Variants in AGPAT3 observed in about 807,000 individuals in gnomAD.
AGPAT3 encodes 1-acylglycerol-3-phosphate O-acyltransferase 3.
AGPAT3 carries 5 observed loss-of-function variants against 47.3 expected under a neutral mutation model. The ratio of observed to expected loss-of-function variants is 0.11; its 90% CI spans 0.06 to 0.22. The LOEUF (loss-of-function observed/expected upper bound fraction) is 0.22, where lower values mean the gene tolerates loss of function less well. Ranked by LOEUF, AGPAT3 falls within the 10% of genes least tolerant of loss-of-function variation. The probability of loss-of-function intolerance (pLI) is 1.00; values close to 1 mark genes in which losing one functional copy is unlikely to be tolerated. For synonymous variants in AGPAT3, 212 were observed against 208.3 expected (o/e 1.02, Z -0.15); for missense variants, 315 against 493.0 (o/e 0.64, Z 3.42).
intron 2 of AGPAT3, among the ~76,000 whole-genome samples, chr21:43,947,409 C>T (rs1158683928): frequency 6.6e-6 from 1 of 152,240 alleles, no homozygotes; most frequent in African/African-American, 2.4e-5. Flanking sequence ...CCGACCAGGG[C>T]TGCCCAAGCG....
rs111483639 is a variant in AGPAT3 at position 43,880,264 on chromosome 21, G to A, written c.-112+14919G>A. 6.4e-4 allele frequency among the ~76,000 whole-genome samples: 97 copies of A among 152,334 alleles called. 1 individual carries two copies. The highest frequency in any genetic ancestry group is 1.4e-3 in the Admixed American group (22 of 15,306). On this transcript the variant is annotated intron_variant, in intron 1 of 9. Transcript: ENST00000291572. The surrounding 1 kb of genome is among the most constrained non-coding windows in gnomAD (Gnocchi z 4.5). ...TCATGGCTCAGCACAGCTGAGGGCA[G>A]CAACTGTTGTCCCCTAGAGCCCGAG...
In AGPAT3 at chr21:43,955,838, T is replaced by A. The variant is rs991695876; in HGVS notation, c.-48-3796T>A. ...TGAGAATTGCTTGAACCCAGGAAGCTGCAGTGAGCCAAGATGGCACCACAG... is the reference window on the plus strand; with the variant it reads ...TGAGAATTGCTTGAACCCAGGAAGCAGCAGTGAGCCAAGATGGCACCACAG... On this transcript the variant is annotated intron_variant, in intron 2 of 9. Coordinates refer to ENST00000291572, the MANE Select transcript of AGPAT3 (RefSeq NM_020132.5). The surrounding 1 kb of genome is among the most constrained non-coding windows in gnomAD (Gnocchi z 4.1). Among the ~76,000 whole-genome samples the A allele has an allele frequency of 8.0e-5, 12 of 149,748 alleles. No individual in the cohort carries two copies. Among genetic ancestry groups the A allele is most frequent in the Admixed American group, 1.3e-4 (2 of 14,960 alleles).
At position 43,941,333 on chromosome 21, in the gene AGPAT3, C is replaced by G. The variant is rs907060002; in HGVS notation, c.-48-18301C>G. 2.0e-5 allele frequency among the ~76,000 whole-genome samples: 3 copies of G among 152,310 alleles called. No individual in the cohort carries two copies. In the East Asian group the frequency reaches 5.8e-4, roughly 29 times the overall value. ...TTGCTAACAGCGGGGAGGGTCACTG[C>G]AGGTGACACAGGCAGGAGGATGCCC... is the stretch of plus-strand genomic sequence containing the variant. On this transcript the variant is annotated intron_variant, in intron 2 of 9. Transcript: ENST00000291572.
Position 43,954,409 on chromosome 21 carries a change from G to A in AGPAT3, c.-48-5225G>A, listed in dbSNP as rs968511563. ...GGCAATGACCCAGGGAAACCGTGTT[G>A]AGCGCTCTGGTGGGGGCAGGCGGGC... On this transcript the variant is annotated intron_variant, in intron 2 of 9. Transcript: ENST00000291572. This position sits in a 1 kb window ranked among gnomAD's most constrained non-coding sequence, Gnocchi z 4.0. 1 of 152,370 alleles carries A rather than the reference G, an allele frequency of 6.6e-6. No individual in the cohort carries two copies. Among genetic ancestry groups the A allele is most frequent in the Non-Finnish European group, 1.5e-5 (1 of 68,122 alleles). 9.4% of individuals were successfully genotyped at this position (152,370 alleles called of 1,614,324 possible). A position where few individuals can be genotyped will look rare whatever the true frequency, so the allele number is the denominator to read the frequency against.
chr21:43,977,129 G>C lies in AGPAT3; in HGVS notation c.768-917G>C, dbSNP rs151128217. On this transcript the variant is annotated intron_variant, in intron 7 of 9. Coordinates refer to ENST00000291572, the MANE Select transcript of AGPAT3 (RefSeq NM_020132.5). ...TACCCTGCTTATCTTACCAAGTAGA[G>C]GTGTCAACTTGTGGGCTGCTAATCC... Among the ~76,000 whole-genome samples the C allele has an allele frequency of 5.4e-3, 828 of 152,240 alleles. 4 individuals carry two copies. The highest frequency in any genetic ancestry group is 0.019 in the African/African-American group (786 of 41,534).
rs969659108 is a variant in AGPAT3 at position 43,921,673 on chromosome 21, G to T, written c.-49+17654G>T. ...ACCAGGTGATGAGCAGCCCTGGAGC[G>T]CTTGTTAGTTTTGTGGTGCCTTTGA... On this transcript the variant is annotated intron_variant, in intron 2 of 9. Transcript: ENST00000291572. Among the ~76,000 whole-genome samples the T allele has an allele frequency of 3.9e-5, 6 of 152,330 alleles. No homozygotes were observed. In the East Asian group the frequency reaches 1.2e-3, roughly 29 times the overall value.
At position 43,922,007 on chromosome 21, in the gene AGPAT3, C is replaced by T. The variant is rs932663760; in HGVS notation, c.-49+17988C>T. Among the ~76,000 whole-genome samples the T allele has an allele frequency of 2.0e-5, 3 of 152,228 alleles. No homozygotes were observed. Among genetic ancestry groups the T allele is most frequent in the East Asian group, 3.9e-4 (2 of 5,182 alleles). ...TTCTTTTCCTGATTTCTCTGTCTCTCGATGCCATTTTTGTGAAGGTTTAGC... is the reference window on the plus strand; with the variant it reads ...TTCTTTTCCTGATTTCTCTGTCTCTTGATGCCATTTTTGTGAAGGTTTAGC... On this transcript the variant is annotated intron_variant, in intron 2 of 9. Coordinates refer to ENST00000291572, the MANE Select transcript of AGPAT3 (RefSeq NM_020132.5). The surrounding 1 kb of genome is among the most constrained non-coding windows in gnomAD (Gnocchi z 4.9).
intron 2 of AGPAT3, among the ~76,000 whole-genome samples, chr21:43,935,952 C>G (rs9637177): frequency 6.6e-6 from 1 of 152,042 alleles, no homozygotes; most frequent in Admixed American, 6.5e-5. Context: ...GATGGCGGCT[C>G]GAGTCGGAAG....
chr21:43,929,461 G>C (rs117735720), intron 2 of AGPAT3, among the ~76,000 whole-genome samples: 34 of 152,308 alleles, frequency 2.2e-4, no homozygotes, highest in African/African-American at 6.7e-4. Flanking sequence ...GCCTTCCCAC[G>C]GTGGGACTTC....
At chr21:43,926,978 C>CAAAAAA (rs905520861) in intron 2 of AGPAT3, among the ~76,000 whole-genome samples, 1 of 54,474 alleles carries the variant, frequency 1.8e-5, no homozygotes, top group Non-Finnish European at 3.9e-5. Context: ...GACTCTGTCT[C>CAAAAAA]AAAAAAAAAA....
At position 43,908,734 on chromosome 21, in the gene AGPAT3, A is replaced by T. The variant is rs2086561379; in HGVS notation, c.-49+4715A>T. Among the ~76,000 whole-genome samples, 1 of 152,208 alleles carries T rather than the reference A, an allele frequency of 6.6e-6. No individual in the cohort carries two copies. The highest frequency in any genetic ancestry group is 1.5e-5 in the Non-Finnish European group (1 of 68,024). On this transcript the variant is annotated intron_variant, in intron 2 of 9. Coordinates refer to ENST00000291572, the MANE Select transcript of AGPAT3 (RefSeq NM_020132.5). The surrounding 1 kb of genome is among the most constrained non-coding windows in gnomAD (Gnocchi z 4.9). ...GGCTAATTGCAGAGGATGCTCACTG[A>T]TGAGGGCGAGGATCAAAGCCCGTGC...
chr21:43,973,041 C>T lies in AGPAT3; in HGVS notation c.767+1551C>T, dbSNP rs183247210. 4.6e-5 allele frequency among the ~76,000 whole-genome samples: 7 copies of T among 152,342 alleles called. No homozygotes were observed. In the East Asian group the frequency reaches 1.2e-3, roughly 25 times the overall value. ...AGAGCCTGAGCATGTACAAATTAAA[C>T]GAAGCAAAACGACACCACCCAGTTC... On this transcript the variant is annotated intron_variant, in intron 7 of 9. Coordinates refer to ENST00000291572, the MANE Select transcript of AGPAT3 (RefSeq NM_020132.5).
At position 43,982,069 on chromosome 21, in the gene AGPAT3, C is replaced by T. The variant is rs1277336974; in HGVS notation, c.1043-235C>T. 6.6e-6 allele frequency among the ~76,000 whole-genome samples: 1 copy of T among 152,228 alleles called. No individual in the cohort carries two copies. Among genetic ancestry groups the T allele is most frequent in the Non-Finnish European group, 1.5e-5 (1 of 68,042 alleles). ...AGGCAGGGCAAGGTCCACGTGTCCA[C>T]CTGCCTCGGACCCAGCCGGTCAGAA... On this transcript the variant is annotated intron_variant, in intron 9 of 9. Coordinates refer to ENST00000291572, the MANE Select transcript of AGPAT3 (RefSeq NM_020132.5). The surrounding 1 kb of genome is among the most constrained non-coding windows in gnomAD (Gnocchi z 6.2).
intron 2 of AGPAT3, among the ~76,000 whole-genome samples, chr21:43,919,069 C>G (rs917548209): frequency 3.3e-5 from 5 of 152,144 alleles, no homozygotes; most frequent in African/African-American, 1.2e-4. Flanking sequence ...CTGCAGAAGT[C>G]ACACATCTGT....
rs577398809 is a variant in AGPAT3 at position 43,922,600 on chromosome 21, C to T, written c.-49+18581C>T. On this transcript the variant is annotated intron_variant, in intron 2 of 9. Coordinates refer to ENST00000291572, the MANE Select transcript of AGPAT3 (RefSeq NM_020132.5). The surrounding 1 kb of genome is among the most constrained non-coding windows in gnomAD (Gnocchi z 4.9). ...CTCTGGGCCTGGGTCCCCCCCGGCA[C>T]AGTCTGTGACCTGTGACCAAAGGCT... 2.0e-5 allele frequency among the ~76,000 whole-genome samples: 3 copies of T among 152,316 alleles called. No homozygotes were observed. The highest frequency in any genetic ancestry group is 2.0e-4 in the Admixed American group (3 of 15,302).
At chr21:43,899,844 G>A (rs560372907) in intron 1 of AGPAT3, among the ~76,000 whole-genome samples, 187 of 152,258 alleles carry the variant, frequency 1.2e-3, no homozygotes, top group African/African-American at 4.3e-3. Context: ...ACCCAGCCCC[G>A]GTGATGCTCT....
At chr21:43,935,952 C>T (rs9637177) in intron 2 of AGPAT3, among the ~76,000 whole-genome samples, 71,337 of 152,096 alleles carry the variant, frequency 0.47, 16,843 homozygotes, top group East Asian at 0.53. Context: ...GATGGCGGCT[C>T]GAGTCGGAAG....
intron 1 of AGPAT3, among the ~76,000 whole-genome samples, chr21:43,889,104 G>A (rs1428214045): frequency 6.6e-6 from 1 of 152,088 alleles, no homozygotes; most frequent in Non-Finnish European, 1.5e-5. Context: ...CATGTCATCT[G>A]TGAATAACAA....
chr21:43,919,407 G>A (rs56751646), intron 2 of AGPAT3, among the ~76,000 whole-genome samples: 1,541 of 152,198 alleles, frequency 0.01, 31 homozygotes, highest in African/African-American at 0.034. Context: ...TTGGTTTTCC[G>A]TTCCTGAGTT....
Sources: allele counts gnomAD v4.1 joint callset (sites outside exome capture counted in the v4.1 genomes callset), GRCh38; gene constraint gnomAD v4.1.1; non-coding constraint Gnocchi (gnomAD v3.1); transcripts MANE v1.5; gene names NCBI Gene and HGNC (gene_info 2026-07-23, HGNC 2026-07-21).